Variants in NCKAP5 observed in about 807,000 individuals in gnomAD.
NCKAP5 encodes the protein NCK associated protein 5.
In NCKAP5, 92 loss-of-function variants were observed where a neutral mutation model predicts 167.0. That is an observed-to-expected ratio of 0.55 (90% CI 0.47 to 0.66). The LOEUF is 0.66. NCKAP5 is among the 30% of genes least tolerant of loss of function. The pLI, the probability that NCKAP5 is intolerant of heterozygous loss-of-function variation, is 0.00. For missense variants in NCKAP5, 2,378 were observed against 2,315.0 expected (o/e 1.03, Z -0.56); for synonymous variants, 891 against 877.4 (o/e 1.02, Z -0.27).
In NCKAP5 at chr2:133,110,783, C is replaced by T. The variant is rs115012295; in HGVS notation, c.341+19195G>A. On this transcript the variant is annotated intron_variant, in intron 6 of 19. Coordinates refer to ENST00000409261, the MANE Select transcript of NCKAP5 (RefSeq NM_207363.3). Reference sequence around the variant, plus strand: ...TCACACGCTGTGTTAGTTAAGGCTGCCATAACAAAATACCACAGACTGGGG... The same window carrying T: ...TCACACGCTGTGTTAGTTAAGGCTGTCATAACAAAATACCACAGACTGGGG... Among the ~76,000 whole-genome samples, 621 of 152,252 alleles carry T rather than the reference C, an allele frequency of 4.1e-3. 1 individual carries two copies. Among genetic ancestry groups the T allele is most frequent in the Non-Finnish European group, 6.0e-3 (406 of 68,024 alleles).
chr2:132,890,283 C>A (rs1347954930), intron 8 of NCKAP5, among the ~76,000 whole-genome samples: 2 of 152,146 alleles, frequency 1.3e-5, no homozygotes, highest in African/African-American at 4.8e-5. Context: ...ACTTAAATAA[C>A]ACACTTCACA....
At chr2:133,022,755 C>T (rs955144871) in intron 6 of NCKAP5, among the ~76,000 whole-genome samples, 4 of 152,142 alleles carry the variant, frequency 2.6e-5, no homozygotes, top group Non-Finnish European at 1.5e-5. Flanking sequence ...TCCTTTGATG[C>T]CCTATGCATG....
chr2:133,383,726 G>C (rs1386690385), intron 3 of NCKAP5, among the ~76,000 whole-genome samples: 2 of 152,148 alleles, frequency 1.3e-5, no homozygotes, highest in African/African-American at 4.8e-5. Flanking sequence ...TCCAGCACCT[G>C]TTATTTCCTG....
At chr2:133,569,773 G>A (rs1053253918), upstream of NCKAP5, among the ~76,000 whole-genome samples, 2 of 152,066 alleles carry the variant, frequency 1.3e-5, no homozygotes, top group African/African-American at 4.8e-5. Context: ...GATTTGGTAG[G>A]GTCCCAAGAC....
At position 133,514,532 on chromosome 2, in the gene NCKAP5, T is replaced by C. The variant is rs573903402; in HGVS notation, c.69+2926A>G. Among the ~76,000 whole-genome samples the C allele has an allele frequency of 2.1e-3, 318 of 152,322 alleles. 1 individual carries two copies. The highest frequency in any genetic ancestry group is 7.1e-3 in the African/African-American group (294 of 41,570). On this transcript the variant is annotated intron_variant, in intron 3 of 19. Coordinates refer to ENST00000409261, the MANE Select transcript of NCKAP5 (RefSeq NM_207363.3). ...CTATAATTTCTACTCAACACTTCAA[T>C]GATTTGATTATATAAAATAAAAAGT...
intron 3 of NCKAP5, among the ~76,000 whole-genome samples, chr2:133,479,591 C>T (rs1271432316): frequency 6.6e-6 from 1 of 152,144 alleles, no homozygotes; most frequent in East Asian, 1.9e-4. Flanking sequence ...ATGCATGTAA[C>T]AAAATATCAC....
intron 4 of NCKAP5, among the ~76,000 whole-genome samples, chr2:133,229,982 C>T (rs879302746): frequency 1.3e-5 from 2 of 152,108 alleles, no homozygotes; most frequent in Non-Finnish European, 2.9e-5. Flanking sequence ...TTTACAAACA[C>T]ACACTGCCCC....
chr2:132,922,759 A>G (rs1306926769), intron 8 of NCKAP5, among the ~76,000 whole-genome samples: 2 of 152,232 alleles, frequency 1.3e-5, no homozygotes, highest in Non-Finnish European at 2.9e-5. Context: ...AAAATCATAC[A>G]GCCAGCAAGA....
chr2:133,445,157 T>C (rs2151178333), intron 3 of NCKAP5, among the ~76,000 whole-genome samples: 1 of 152,256 alleles, frequency 6.6e-6, no homozygotes, highest in South Asian at 2.1e-4. Flanking sequence ...TTTACTGTCA[T>C]GAAACAGTTC....
intron 3 of NCKAP5, among the ~76,000 whole-genome samples, chr2:133,350,393 A>G (rs1390007570): frequency 6.6e-6 from 1 of 152,200 alleles, no homozygotes; most frequent in Non-Finnish European, 1.5e-5. Flanking sequence ...AGCCTGATCA[A>G]CAAAGAAAGA....
chr2:132,977,697 G>A (rs1000112348), intron 7 of NCKAP5, among the ~76,000 whole-genome samples: 2 of 152,206 alleles, frequency 1.3e-5, no homozygotes, highest in African/African-American at 4.8e-5. Flanking sequence ...AGAAAAGAGA[G>A]AAGCTCCACC....
At chr2:132,835,663 C>T (rs1687840756) in intron 11 of NCKAP5, among the ~76,000 whole-genome samples, 1 of 150,094 alleles carries the variant, frequency 6.7e-6, no homozygotes, top group African/African-American at 2.5e-5. Context: ...TTTCTTTTTT[C>T]CAGTTTTCAT....
At chr2:133,627,964 G>T in the NCKAP5 span, among the ~76,000 whole-genome samples, 1 of 152,112 alleles carries the variant, frequency 6.6e-6, no homozygotes, top group Non-Finnish European at 1.5e-5. Flanking sequence ...AATGTGACAT[G>T]AGCAGAGACT....
chr2:133,537,723 G>A (rs1342756484), intron 2 of NCKAP5, among the ~76,000 whole-genome samples: 2 of 151,764 alleles, frequency 1.3e-5, no homozygotes, highest in Non-Finnish European at 2.9e-5. Flanking sequence ...ATATTTTCTA[G>A]TTTTATTTTT....
intron 16 of NCKAP5, among the ~76,000 whole-genome samples, chr2:132,770,893 T>C (rs1350408922): frequency 6.6e-6 from 1 of 152,208 alleles, no homozygotes; most frequent in Non-Finnish European, 1.5e-5. Context: ...AATGTCATAG[T>C]GTAACCCACT....
At position 133,500,724 on chromosome 2, in the gene NCKAP5, A is replaced by G. The variant is rs112378334; in HGVS notation, c.69+16734T>C. 9.0e-4 allele frequency among the ~76,000 whole-genome samples: 137 copies of G among 152,344 alleles called. 1 individual carries two copies. Among genetic ancestry groups the G allele is most frequent in the African/African-American group, 3.1e-3 (130 of 41,576 alleles). ...AAATATCTCATTTTTAGACAGCAGT[A>G]TAAACAATCTATATTGAATTTTCTT... is the stretch of plus-strand genomic sequence containing the variant. On this transcript the variant is annotated intron_variant, in intron 3 of 19. Coordinates refer to ENST00000409261, the MANE Select transcript of NCKAP5 (RefSeq NM_207363.3).
At chr2:133,095,228 G>A (rs1437895) in intron 6 of NCKAP5, among the ~76,000 whole-genome samples, 91,483 of 152,104 alleles carry the variant, frequency 0.6, 29,619 homozygotes, top group East Asian at 0.96. Context: ...TAATTCAATA[G>A]TAAGTCTTAG....
chr2:133,552,263 A>G (rs1191739941), intron 2 of NCKAP5, among the ~76,000 whole-genome samples: 1 of 109,538 alleles, frequency 9.1e-6, no homozygotes, highest in Admixed American at 9.5e-5. Flanking sequence ...CCAAATGACT[A>G]TAAATCATGC....
chr2:133,289,827 G>T (rs1679442227), intron 4 of NCKAP5, among the ~76,000 whole-genome samples: 1 of 152,192 alleles, frequency 6.6e-6, no homozygotes, highest in Non-Finnish European at 1.5e-5. Flanking sequence ...CATGGGTGGG[G>T]AGGCCTCAGG....
Sources: gnomAD v4.1 joint callset for allele counts (sites outside exome capture counted in the v4.1 genomes callset) on GRCh38, gnomAD v4.1.1 for gene constraint, MANE v1.5 for transcripts, NCBI Gene and HGNC (gene_info 2026-07-23, HGNC 2026-07-21) for gene names.